PTPRE: variants seen among roughly 807,000 people sequenced by gnomAD.
PTPRE encodes protein tyrosine phosphatase receptor type E.
Under a neutral mutation model 102.0 loss-of-function variants are expected in PTPRE, and 51 were observed. The observed-to-expected ratio is 0.50, with a 90% CI of 0.40 to 0.63. The LOEUF is 0.63. Ranked by LOEUF, PTPRE falls within the 30% of genes least tolerant of loss-of-function variation. The pLI is 0.00. For missense variants in PTPRE, 752 were observed against 915.1 expected (o/e 0.82, Z 2.30); for synonymous variants, 345 against 348.2 (o/e 0.99, Z 0.10).
intron 3 of PTPRE, 148 bp from the exon 4 acceptor site, chr10:128,047,242 C>T (rs1212365542): frequency 1.1e-5 from 13 of 1,189,510 alleles, no homozygotes; most frequent in Non-Finnish European, 1.5e-5. Flanking sequence ...TTCTCTGTTA[C>T]CTCGTGGGGC....
At chr10:127,989,661 G>GA (rs1297519542) in intron 2 of PTPRE, among the ~76,000 whole-genome samples, 1 of 152,232 alleles carries the variant, frequency 6.6e-6, no homozygotes. Flanking sequence ...CCTGCCAAAA[G>GA]AAAAACTTTT....
intron 2 of PTPRE, among the ~76,000 whole-genome samples, chr10:127,984,801 G>T (rs576313399): frequency 1.4e-4 from 21 of 152,094 alleles, no homozygotes; most frequent in Non-Finnish European, 2.2e-4. Flanking sequence ...AGCCATGATT[G>T]TGAGGCCTCC....
intron 1 of PTPRE, chr10:127,934,627 C>T (rs1450747017): frequency 1.3e-5 from 2 of 152,448 alleles, no homozygotes; most frequent in Non-Finnish European, 2.9e-5. Context: ...CCCTCAACCC[C>T]ATGCTCCTTT....
intron 1 of PTPRE, among the ~76,000 whole-genome samples, chr10:127,937,391 T>C (rs1847911629): frequency 6.6e-6 from 1 of 152,170 alleles, no homozygotes; most frequent in African/African-American, 2.4e-5. Flanking sequence ...ATGAGTGGAA[T>C]TGACAATATG....
chr10:127,947,462 T>A (rs61873687), intron 1 of PTPRE, among the ~76,000 whole-genome samples: 1,744 of 152,352 alleles, frequency 0.011, 18 homozygotes, highest in Non-Finnish European at 0.019. Flanking sequence ...TGTCTCTTGC[T>A]CTGAAGAATT....
At chr10:128,053,301 A>G (rs1848692125) in intron 6 of PTPRE, among the ~76,000 whole-genome samples, 1 of 152,170 alleles carries the variant, frequency 6.6e-6, no homozygotes, top group South Asian at 2.1e-4. Context: ...TCTCACCTCA[A>G]ACAGACAAAC....
intron 1 of PTPRE, among the ~76,000 whole-genome samples, chr10:127,946,007 T>C (rs1331549123): frequency 6.6e-6 from 1 of 151,972 alleles, no homozygotes; most frequent in Admixed American, 6.6e-5. Flanking sequence ...GAGGCATTGG[T>C]GTGTGGCTGC....
chr10:127,938,819 A>C (rs1452531806), intron 1 of PTPRE, among the ~76,000 whole-genome samples: 1 of 152,174 alleles, frequency 6.6e-6, no homozygotes, highest in Non-Finnish European at 1.5e-5. Flanking sequence ...GATTGCCAGC[A>C]GGCAATATCT....
In PTPRE at chr10:128,080,858, C is replaced by T. The variant is rs1320716549; in HGVS notation, c.2028+1163C>T. Among the ~76,000 whole-genome samples the T allele has an allele frequency of 3.3e-5, 5 of 152,176 alleles. No individual in the cohort carries two copies. The South Asian group carries it at 6.2e-4, about 19-fold the overall frequency. On this transcript the variant is annotated intron_variant, in intron 20 of 20. Coordinates refer to ENST00000254667, the MANE Select transcript of PTPRE (RefSeq NM_006504.6). Reference sequence around the variant, plus strand: ...CCAGAGCAAGTGGTGAATCAGCAAACGAATGAGGGAGAAGAGTCACTAAAT... The same window carrying T: ...CCAGAGCAAGTGGTGAATCAGCAAATGAATGAGGGAGAAGAGTCACTAAAT...
At chr10:128,006,608 G>T (rs1038192199) in intron 2 of PTPRE, among the ~76,000 whole-genome samples, 2 of 152,176 alleles carry the variant, frequency 1.3e-5, no homozygotes, top group Admixed American at 1.3e-4. Flanking sequence ...TCACCACGTG[G>T]AGCTGGAAGA....
At chr10:128,033,127 G>A (rs979114335) in intron 2 of PTPRE, among the ~76,000 whole-genome samples, 2 of 152,190 alleles carry the variant, frequency 1.3e-5, no homozygotes, top group Admixed American at 6.5e-5. Context: ...TTCACTAAGC[G>A]GCTGCTTGAA....
intron 2 of PTPRE, among the ~76,000 whole-genome samples, chr10:128,032,759 AG>A (rs1327547410): frequency 6.6e-6 from 1 of 152,212 alleles, no homozygotes; most frequent in African/African-American, 2.4e-5. Flanking sequence ...GAGAAATTAC[AG>A]GGTAGAGGAT....
At position 128,070,395 on chromosome 10, in the gene PTPRE, C is replaced by A; in HGVS notation, c.1238C>A (p.Thr413Asn). 6.2e-7 allele frequency: 1 copy of A among 1,614,164 alleles called. No homozygotes were observed. The highest frequency in any genetic ancestry group is 8.5e-7 in the Non-Finnish European group (1 of 1,180,030). ...TCCTCCCTGGAGAAGCACCTGCAGACCATGCACGGCACCACCACCCACTTC... is the reference window on the plus strand; with the variant it reads ...TCCTCCCTGGAGAAGCACCTGCAGAACATGCACGGCACCACCACCCACTTC... ...DVSSLEKHLQ[T>N]MHGTTTHFDK... is the part of the protein sequence containing the mutation. Residue 413 changes from threonine (T) to asparagine (N), a missense_variant, in exon 14 of 21, where the codon ACC becomes AAC. This residue lies in a region of PTPRE where 636 missense variants were observed against 824.4 expected (regional missense o/e 0.77). Coordinates refer to ENST00000254667, the MANE Select transcript of PTPRE (RefSeq NM_006504.6). The surrounding 1 kb of genome is among the most constrained non-coding windows in gnomAD (Gnocchi z 4.8).
intron 3 of PTPRE, among the ~76,000 whole-genome samples, chr10:128,042,818 T>G (rs954232877): frequency 6.6e-6 from 1 of 152,196 alleles, no homozygotes; most frequent in Non-Finnish European, 1.5e-5. Context: ...TTACAAATTA[T>G]GTAATAAAAT....
chr10:127,986,922 T>C (rs1344506076), intron 2 of PTPRE, among the ~76,000 whole-genome samples: 1 of 149,926 alleles, frequency 6.7e-6, no homozygotes, highest in Non-Finnish European at 1.5e-5. Flanking sequence ...TGATTCCTAT[T>C]TCCCTTCTTC....
At chr10:127,950,639 A>G (rs7900735) in intron 1 of PTPRE, among the ~76,000 whole-genome samples, 21,419 of 152,210 alleles carry the variant, frequency 0.14, 1,677 homozygotes, top group East Asian at 0.24. Context: ...CTTAAATGCT[A>G]TGGGGATAAT....
intron 3 of PTPRE, among the ~76,000 whole-genome samples, chr10:128,046,070 C>A (rs1036330454): frequency 6.6e-6 from 1 of 152,218 alleles, no homozygotes; most frequent in East Asian, 1.9e-4. Flanking sequence ...CTAATGGTCA[C>A]CCACGTCCCT....
At chr10:127,945,702 G>A (rs1429982482) in intron 1 of PTPRE, among the ~76,000 whole-genome samples, 1 of 152,182 alleles carries the variant, frequency 6.6e-6, no homozygotes, top group Non-Finnish European at 1.5e-5. Flanking sequence ...GCTCCAAAGG[G>A]CGGGCCAACA....
intron 1 of PTPRE, among the ~76,000 whole-genome samples, chr10:127,930,875 T>C (rs995210514): frequency 3.4e-4 from 51 of 151,460 alleles, no homozygotes; most frequent in African/African-American, 1.2e-3. Context: ...TCACTGCAAC[T>C]TCAGCCTCCC....
Sources: gnomAD v4.1 joint callset for allele counts (sites outside exome capture counted in the v4.1 genomes callset) on GRCh38, gnomAD v4.1.1 for gene constraint, gnomAD v4.1.1 regional missense constraint, Gnocchi (gnomAD v3.1) non-coding constraint, MANE v1.5 for transcripts, NCBI Gene and HGNC (gene_info 2026-07-23, HGNC 2026-07-21) for gene names.